The following BOLA3 variants were observed in gnomAD, a reference collection of about 807,000 sequenced individuals.
BOLA3 encodes bolA family member 3.
A neutral mutation model predicts 14.5 loss-of-function variants in BOLA3; 8 were observed. That is an observed-to-expected ratio of 0.55 (90% CI 0.32 to 0.99). The LOEUF (loss-of-function observed/expected upper bound fraction) is 0.99, where lower values mean the gene tolerates loss of function less well. Among genes scored for constraint, BOLA3 ranks in the 50% least tolerant of loss-of-function variants. The pLI, the probability that BOLA3 is intolerant of heterozygous loss-of-function variation, is 0.04. For missense variants in BOLA3, 115 were observed against 138.2 expected, an observed-to-expected ratio of 0.83 and a Z score of 0.84; for synonymous variants, 42 against 45.7, an observed-to-expected ratio of 0.92 and a Z score of 0.33.
intron 1 of BOLA3, 114 bp downstream of exon 1, chr2:74,147,707 A>T: frequency 2.1e-6 from 2 of 956,440 alleles, no homozygotes; most frequent in Non-Finnish European, 3.2e-6. Flanking sequence ...CCCCATTGCC[A>T]GTGCCGCGCG....
chr2:74,146,473 C>T (rs1692547352), intron 1 of BOLA3: 2 of 152,276 alleles, frequency 1.3e-5, no homozygotes. Flanking sequence ...GGAGATGGGA[C>T]TCCAGGTGAT....
At chr2:74,145,780 G>A (rs951168460) in intron 1 of BOLA3, 3 of 195,728 alleles carry the variant, frequency 1.5e-5, no homozygotes, top group South Asian at 9.4e-5. Flanking sequence ...TCGCCTTTAG[G>A]CCTGATTAAC....
chr2:74,143,889 G>A (rs964794410), intron 2 of BOLA3, among the ~76,000 whole-genome samples: 2 of 151,282 alleles, frequency 1.3e-5, no homozygotes, highest in African/African-American at 4.9e-5. Flanking sequence ...GTTGAGATGG[G>A]GTTTCACCAT....
chr2:74,139,986 A>G (rs1349150845), intron 3 of BOLA3, among the ~76,000 whole-genome samples: 1 of 152,176 alleles, frequency 6.6e-6, no homozygotes, highest in Admixed American at 6.5e-5. Context: ...ATAAATATAA[A>G]AATGTATATT....
intron 2 of BOLA3, among the ~76,000 whole-genome samples, chr2:74,143,062 A>G (rs904717982): frequency 6.6e-6 from 1 of 152,256 alleles, no homozygotes. Flanking sequence ...ACACAGCTCT[A>G]GCATGAAATA....
Position 74,145,292 on chromosome 2 carries a change from G to A in BOLA3, c.66C>T (p.His22=), listed in dbSNP as rs1481266743. 1.9e-6 allele frequency: 3 copies of A among 1,595,994 alleles called. No individual in the cohort carries two copies. Among genetic ancestry groups the A allele is most frequent in the South Asian group, 1.1e-5 (1 of 90,758 alleles). ...CAGTCTGAGTGGCAAACATCCGATG[G>A]TGAAGTGGAAGCTGCCACAGAACAG... is the stretch of plus-strand genomic sequence containing the variant. The part of the protein sequence containing the change: ...LLRGIRGLPL[H]HRMFATQTEG... The change falls in exon 2 of 4, where the codon CAC becomes CAT. Residue 22 remains histidine, a synonymous_variant. Coordinates refer to ENST00000327428, the MANE Select transcript of BOLA3 (RefSeq NM_212552.3).
In BOLA3 at chr2:74,135,981, G is replaced by A. The variant is rs921475949; in HGVS notation, c.259-323C>T. 5.7e-5 allele frequency among the ~76,000 whole-genome samples: 8 copies of A among 139,570 alleles called. No homozygotes were observed. The South Asian group carries it at 6.6e-4, about 12-fold the overall frequency. The allele number at this position is 139,570 out of a possible 152,430, so 91.6% of individuals were successfully genotyped here. ...TTTTTTTTTTTTAAGTCATGGTCTCGCTCTAGCGCCGAAGTTGGAGTGCAG... is the reference window on the plus strand; with the variant it reads ...TTTTTTTTTTTTAAGTCATGGTCTCACTCTAGCGCCGAAGTTGGAGTGCAG... On this transcript the variant is annotated intron_variant, in intron 3 of 3. Coordinates refer to ENST00000327428, the MANE Select transcript of BOLA3 (RefSeq NM_212552.3).
At chr2:74,144,356 T>C (rs957369631) in intron 2 of BOLA3, among the ~76,000 whole-genome samples, 8 of 152,222 alleles carry the variant, frequency 5.3e-5, no homozygotes, top group African/African-American at 1.4e-4. Flanking sequence ...CAGAATAAAA[T>C]CTACTTTCTA....
At chr2:74,142,454 G>T in intron 2 of BOLA3, 94 bp from the exon 3 acceptor site, 1 of 965,834 alleles carries the variant, frequency 1.0e-6, no homozygotes, top group South Asian at 1.3e-5. Flanking sequence ...CCAAAGGTCT[G>T]AATATTATCA....
intron 1 of BOLA3, 117 bp downstream of exon 1, chr2:74,147,704 G>A: frequency 1.1e-6 from 1 of 914,534 alleles, no homozygotes; most frequent in Non-Finnish European, 1.7e-6. Flanking sequence ...GCCCCCCATT[G>A]CCAGTGCCGC....
intron 3 of BOLA3, among the ~76,000 whole-genome samples, chr2:74,136,165 G>C (rs1572939225): frequency 6.6e-6 from 1 of 151,988 alleles, no homozygotes; most frequent in Non-Finnish European, 1.5e-5. Flanking sequence ...GCCTAGGCTG[G>C]TCTTGAACTC....
At chr2:74,138,744 G>A (rs1164355663) in intron 3 of BOLA3, among the ~76,000 whole-genome samples, 1 of 152,220 alleles carries the variant, frequency 6.6e-6, no homozygotes, top group Non-Finnish European at 1.5e-5. Flanking sequence ...AATCCCCTAA[G>A]CTGGAAAGAG....
chr2:74,138,931 C>T (rs892403133), intron 3 of BOLA3, among the ~76,000 whole-genome samples: 3 of 152,226 alleles, frequency 2.0e-5, no homozygotes, highest in African/African-American at 7.2e-5. Flanking sequence ...ACCTACTCTA[C>T]CCTTGCTGAC....
Position 74,143,744 on chromosome 2 carries a change from T to C in BOLA3, c.170-1384A>G, listed in dbSNP as rs369989912. Among the ~76,000 whole-genome samples, 76 of 151,988 alleles carry C rather than the reference T, an allele frequency of 5.0e-4. No individual in the cohort carries two copies. In the East Asian group the frequency reaches 9.9e-3, roughly 20 times the overall value. On this transcript the variant is annotated intron_variant, in intron 2 of 3. Transcript: ENST00000327428. ...TCTTGTCGCCCAGGCTGGAGTGCAG[T>C]GGTGCAATCTCAGCTCACTGCAACC... is the stretch of plus-strand genomic sequence containing the variant.
chr2:74,142,241 A>G, intron 3 of BOLA3, 31 bp downstream of exon 3: 1 of 1,539,864 alleles, frequency 6.5e-7, no homozygotes, highest in South Asian at 1.1e-5. Flanking sequence ...GCTGAAGGCC[A>G]GTGGCAAGGG....
At chr2:74,141,071 T>C (rs1352977923) in intron 3 of BOLA3, among the ~76,000 whole-genome samples, 1 of 152,050 alleles carries the variant, frequency 6.6e-6, no homozygotes, top group Non-Finnish European at 1.5e-5. Context: ...GTGCCACGGG[T>C]TGGGGATCAT....
At position 74,141,217 on chromosome 2, in the gene BOLA3, G is replaced by A. The variant is rs185919584; in HGVS notation, c.258+1055C>T. ...CCACCAGCATGCCTTAGGGCTGTAG[G>A]GGTCACATCCACTGCAAAGGGCTAC... On this transcript the variant is annotated intron_variant, in intron 3 of 3. Transcript: ENST00000327428. 5.8e-3 allele frequency among the ~76,000 whole-genome samples: 883 copies of A among 152,288 alleles called. 4 individuals are homozygous for A. Among genetic ancestry groups the A allele is most frequent in the Middle Eastern group, 0.01 (3 of 294 alleles).
intron 1 of BOLA3, chr2:74,147,139 G>A (rs1227002622): frequency 6.6e-6 from 1 of 152,406 alleles, no homozygotes; most frequent in Admixed American, 6.5e-5. Flanking sequence ...CATCTTAGCG[G>A]ATCTGTGGGC....
In BOLA3 at chr2:74,135,520, G is replaced by A; in HGVS notation, c.*73C>T. On this transcript the variant is annotated 3_prime_UTR_variant, in exon 4 of 4. Transcript: ENST00000327428. Reference sequence around the variant, plus strand: ...AAAATATATAAATTTTTTGGTGACTGCTTAGGGAAGAATGATGTCAGTGAA... The same window carrying A: ...AAAATATATAAATTTTTTGGTGACTACTTAGGGAAGAATGATGTCAGTGAA... 6.2e-7 allele frequency: 1 copy of A among 1,600,728 alleles called. No individual in the cohort carries two copies. The highest frequency in any genetic ancestry group is 8.6e-7 in the Non-Finnish European group (1 of 1,168,882).
Sources: allele counts gnomAD v4.1 joint callset (sites outside exome capture counted in the v4.1 genomes callset), GRCh38; gene constraint gnomAD v4.1.1; transcripts MANE v1.5; gene names NCBI Gene and HGNC (gene_info 2026-07-23, HGNC 2026-07-21).